ZNRF3: variants seen among roughly 807,000 people sequenced by gnomAD.
The protein encoded by ZNRF3 is zinc and ring finger 3.
Under a neutral mutation model 72.5 loss-of-function variants are expected in ZNRF3, and 23 were observed. The ratio of observed to expected loss-of-function variants is 0.32; its 90% CI spans 0.23 to 0.45. The LOEUF is 0.45. Ranked by LOEUF, ZNRF3 falls within the 20% of genes least tolerant of loss-of-function variation. ZNRF3 has a pLI of 1.00. For missense variants in ZNRF3, 1,169 were observed against 1,272.1 expected (o/e 0.92, Z 1.23); for synonymous variants, 610 against 545.3 (o/e 1.12, Z -1.65).
At chr22:28,936,919 C>A (rs1227593693) in intron 1 of ZNRF3, among the ~76,000 whole-genome samples, 1 of 152,116 alleles carries the variant, frequency 6.6e-6, no homozygotes, top group Non-Finnish European at 1.5e-5. Context: ...CTACCTGGAC[C>A]ATGGAACGGG....
chr22:29,049,834 C>A lies in ZNRF3; in HGVS notation c.1653C>A (p.Ser551Arg). The A allele has an allele frequency of 6.2e-7, 1 of 1,607,864 alleles. No individual in the cohort carries two copies. Among genetic ancestry groups the A allele is most frequent in the Non-Finnish European group, 8.5e-7 (1 of 1,176,904 alleles). ...TGGCCGACTGCCCAGGCAGCGACAG[C>A]AGCAGCAGCAGCAGCTCCGGCCAGT... is the stretch of plus-strand genomic sequence containing the variant. Reference protein sequence around the residue: ...GYLADCPGSDSSSSSSSGQCH... With the variant: ...GYLADCPGSDRSSSSSSGQCH... Residue 551 changes from serine to arginine, a missense_variant, in exon 8 of 9, where the codon AGC (serine) becomes AGA (arginine). Around this residue, in one of 2 missense-constraint regions of ZNRF3, gnomAD observed 783 missense variants for 731.4 expected, o/e 1.07. Transcript: ENST00000544604. The surrounding 1 kb of genome is among the most constrained non-coding windows in gnomAD (Gnocchi z 5.2).
At chr22:28,994,277 C>G (rs2036012868) in intron 2 of ZNRF3, among the ~76,000 whole-genome samples, 1 of 148,054 alleles carries the variant, frequency 6.8e-6, no homozygotes, top group Admixed American at 7.0e-5. Context: ...ACCTCCGCCT[C>G]CCGGGTTCAA....
chr22:28,998,427 T>C (rs564656581), intron 2 of ZNRF3, among the ~76,000 whole-genome samples: 2 of 152,344 alleles, frequency 1.3e-5, no homozygotes, highest in African/African-American at 2.4e-5. Context: ...GGTTTCTTGT[T>C]GAGGAGGAAG....
intron 1 of ZNRF3, among the ~76,000 whole-genome samples, chr22:28,929,591 C>T (rs1302832138): frequency 1.3e-5 from 2 of 152,186 alleles, no homozygotes; most frequent in Non-Finnish European, 1.5e-5. Flanking sequence ...TGATAAATTT[C>T]TGCGGAGGGA....
rs2036719709 is a variant in ZNRF3, at chr22:29,030,276, G to A, written c.427-12219G>A. On this transcript the variant is annotated intron_variant, in intron 2 of 8. Transcript: ENST00000544604. The surrounding 1 kb of genome is among the most constrained non-coding windows in gnomAD (Gnocchi z 4.2). ...ATGCATTTCCGTTTGACACCCACTA[G>A]TTTCTGATTGTGAAAAGGGTACCAA... is the stretch of plus-strand genomic sequence containing the variant. Among the ~76,000 whole-genome samples the A allele has an allele frequency of 6.6e-6, 1 of 152,154 alleles. No homozygotes were observed. The highest frequency in any genetic ancestry group is 1.5e-5 in the Non-Finnish European group (1 of 68,038).
chr22:28,954,843 G>C (rs1248799577), intron 1 of ZNRF3, among the ~76,000 whole-genome samples: 6 of 151,724 alleles, frequency 4.0e-5, no homozygotes, highest in African/African-American at 1.5e-4. Flanking sequence ...TTGAATTCCT[G>C]GGCTCAAGGG....
At chr22:28,896,024 C>T (rs1353028772) in intron 1 of ZNRF3, among the ~76,000 whole-genome samples, 1 of 152,168 alleles carries the variant, frequency 6.6e-6, no homozygotes, top group East Asian at 1.9e-4. Flanking sequence ...GATCTTGGCT[C>T]ACTGCAACCT....
chr22:28,884,189 C>T (rs977589295), intron 1 of ZNRF3, 123 bp downstream of exon 1: 6 of 758,116 alleles, frequency 7.9e-6, no homozygotes, highest in Admixed American at 1.2e-4. Context: ...GCCGAGAGGC[C>T]GGCGGCATCC....
intron 2 of ZNRF3, among the ~76,000 whole-genome samples, chr22:29,006,963 TGAA>T (rs918519314): frequency 6.6e-6 from 1 of 152,216 alleles, no homozygotes; most frequent in African/African-American, 2.4e-5. Flanking sequence ...AAAAGCAAAC[TGAA>T]GAAGAATGCT....
rs1043340704 is a variant in ZNRF3, at chr22:28,995,355, G to A, written c.426+8154G>A. Among the ~76,000 whole-genome samples, 5 of 152,120 alleles carry A rather than the reference G, an allele frequency of 3.3e-5. No individual in the cohort carries two copies. In the East Asian group the frequency reaches 9.7e-4, roughly 29 times the overall value. ...AGGCTGAGGCAGGAGAATGGCGTGA[G>A]CCCAGGAGCTTGCAGTGAGCCGAGA... On this transcript the variant is annotated intron_variant, in intron 2 of 8. Coordinates refer to ENST00000544604, the MANE Select transcript of ZNRF3 (RefSeq NM_001206998.2).
chr22:29,020,768 TGTGTGTGG>T (rs753774543), intron 2 of ZNRF3, among the ~76,000 whole-genome samples: 6,705 of 76,696 alleles, frequency 0.087, 228 homozygotes, highest in Middle Eastern at 0.16. Context: ...TGTTTTTGTG[TGTGTGTGG>T]GTGTGTGTGT....
chr22:28,940,723 G>A (rs1423518153), intron 1 of ZNRF3, among the ~76,000 whole-genome samples: 1 of 152,112 alleles, frequency 6.6e-6, no homozygotes, highest in Non-Finnish European at 1.5e-5. Flanking sequence ...CTTTGGATAG[G>A]GGGTTGGGTT....
chr22:29,041,091 G>A (rs1427426883), intron 2 of ZNRF3, among the ~76,000 whole-genome samples: 3 of 152,162 alleles, frequency 2.0e-5, no homozygotes, highest in Non-Finnish European at 4.4e-5. Context: ...CATTAGAAGT[G>A]TCTTACTTCC....
At chr22:28,937,204 TATATA>T (rs1190587019) in intron 1 of ZNRF3, among the ~76,000 whole-genome samples, 52 of 4,148 alleles carry the variant, frequency 0.013, no homozygotes, top group Admixed American at 0.044. Flanking sequence ...TATATATATA[TATATA>T]TATATATTTT....
At chr22:29,052,070 T>C (rs1284233120) in intron 8 of ZNRF3, among the ~76,000 whole-genome samples, 8 of 152,178 alleles carry the variant, frequency 5.3e-5, no homozygotes, top group African/African-American at 1.9e-4. Flanking sequence ...AGGTATTTTA[T>C]TATTAGATTC....
intron 1 of ZNRF3, among the ~76,000 whole-genome samples, chr22:28,937,316 T>C (rs1160505043): frequency 4.7e-5 from 7 of 149,768 alleles, no homozygotes; most frequent in African/African-American, 1.5e-4. Context: ...GAGACCCCCA[T>C]GGAAGCTGGC....
intron 1 of ZNRF3, among the ~76,000 whole-genome samples, chr22:28,982,770 C>T (rs2035788478): frequency 6.6e-6 from 1 of 152,188 alleles, no homozygotes; most frequent in African/African-American, 2.4e-5. Context: ...ATAAAAACAT[C>T]TCCTGAGCTC....
chr22:28,888,466 C>G (rs1288102177), intron 1 of ZNRF3, among the ~76,000 whole-genome samples: 1 of 152,204 alleles, frequency 6.6e-6, no homozygotes, highest in African/African-American at 2.4e-5. Flanking sequence ...TAGGTTAAAA[C>G]CAAGCATTTG....
intron 1 of ZNRF3, among the ~76,000 whole-genome samples, chr22:28,978,164 G>C (rs988234106): frequency 2.0e-5 from 3 of 152,200 alleles, no homozygotes; most frequent in East Asian, 1.9e-4. Context: ...TGCATTGCTT[G>C]TTGGTAGCAT....
Sources: allele counts gnomAD v4.1 joint callset (sites outside exome capture counted in the v4.1 genomes callset), GRCh38; gene constraint gnomAD v4.1.1; regional missense constraint gnomAD v4.1.1; non-coding constraint Gnocchi (gnomAD v3.1); transcripts MANE v1.5; gene names NCBI Gene and HGNC (gene_info 2026-07-23, HGNC 2026-07-21).